RTN4RL1: variants seen among roughly 807,000 people sequenced by gnomAD.
RTN4RL1 encodes the protein reticulon-4 receptor-like 1.
In RTN4RL1, 7 loss-of-function variants were observed where a neutral mutation model predicts 25.6. That is an observed-to-expected ratio of 0.27 (90% CI 0.16 to 0.51). The LOEUF (loss-of-function observed/expected upper bound fraction) is 0.51, where lower values mean the gene tolerates loss of function less well. Ranked by LOEUF, RTN4RL1 falls within the 20% of genes least tolerant of loss-of-function variation. The pLI is 0.97. For synonymous variants in RTN4RL1, 297 were observed against 288.2 expected, an observed-to-expected ratio of 1.03 and a Z score of -0.31; for missense variants, 500 against 615.6, an observed-to-expected ratio of 0.81 and a Z score of 1.99.
Position 2,024,881 on chromosome 17 carries a change from G to A in RTN4RL1, c.-16C>T, listed in dbSNP as rs530418310. 220 of 1,582,944 alleles carry A rather than the reference G, an allele frequency of 1.4e-4. 4 individuals are homozygous for A. In the South Asian group the frequency reaches 2.3e-3, roughly 16 times the overall value. ...TGCGAAGCATGTTGGCCACGGGGCC[G>A]CCGCTCCGAGGTCGGCCTAGGCGCA... On this transcript the variant is annotated 5_prime_UTR_variant, in exon 1 of 2. Coordinates refer to ENST00000331238, the MANE Select transcript of RTN4RL1 (RefSeq NM_178568.4).
chr17:2,008,109 A>G (rs1035748265), intron 1 of RTN4RL1, among the ~76,000 whole-genome samples: 6 of 151,992 alleles, frequency 3.9e-5, no homozygotes, highest in African/African-American at 1.4e-4. Context: ...GTCTCTACTA[A>G]AAATACAAAA....
At chr17:1,953,756 G>A (rs1468846190) in intron 1 of RTN4RL1, among the ~76,000 whole-genome samples, 1 of 152,106 alleles carries the variant, frequency 6.6e-6, no homozygotes, top group East Asian at 1.9e-4. Context: ...GTAGAGGCGG[G>A]GTTTCACCAT....
chr17:2,001,252 G>T lies in RTN4RL1; in HGVS notation c.13+23601C>A, dbSNP rs114823621. On this transcript the variant is annotated intron_variant, in intron 1 of 1. Coordinates refer to ENST00000331238, the MANE Select transcript of RTN4RL1 (RefSeq NM_178568.4). ...TATGTTTAGCTTATTTGATCCTCTG[G>T]GTTTTTTTTTGAGATGGAGTCTCAC... Among the ~76,000 whole-genome samples, 366 of 149,422 alleles carry T rather than the reference G, an allele frequency of 2.4e-3. 4 individuals carry two copies. The highest frequency in any genetic ancestry group is 8.3e-3 in the African/African-American group (336 of 40,568).
chr17:2,024,815 G>C, intron 1 of RTN4RL1, 38 bp downstream of exon 1: 1 of 1,555,328 alleles, frequency 6.4e-7, no homozygotes, highest in Non-Finnish European at 8.7e-7. Flanking sequence ...TTTCCGGAGC[G>C]CATTCAACTT....
At chr17:1,976,743 G>A in intron 1 of RTN4RL1, among the ~76,000 whole-genome samples, 1 of 152,338 alleles carries the variant, frequency 6.6e-6, no homozygotes, top group Non-Finnish European at 1.5e-5. Flanking sequence ...GGGGCAGGGA[G>A]CCAGGGGTGA....
intron 1 of RTN4RL1, among the ~76,000 whole-genome samples, chr17:1,989,759 A>T (rs1023661408): frequency 2.6e-5 from 4 of 151,880 alleles, no homozygotes; most frequent in Non-Finnish European, 5.9e-5. Context: ...TTTTTAGTAG[A>T]GAGGGGGTTT....
chr17:1,997,186 C>T (rs190769868), intron 1 of RTN4RL1, among the ~76,000 whole-genome samples: 10 of 152,378 alleles, frequency 6.6e-5, no homozygotes, highest in East Asian at 1.9e-4. Flanking sequence ...CCGTGGCCCA[C>T]GAGACCTTCA....
At chr17:2,023,671 A>ACCCCCCCCCCCCCCCCCCC (rs2067239104) in intron 1 of RTN4RL1, 3 of 58,558 alleles carry the variant, frequency 5.1e-5, no homozygotes, top group Non-Finnish European at 7.4e-5. Context: ...GCTTCCCCCC[A>ACCCCCCCCCCCCCCCCCCC]CCTCCCCAAC....
In RTN4RL1 at chr17:2,001,886, C is replaced by T. The variant is rs111656864; in HGVS notation, c.13+22967G>A. Among the ~76,000 whole-genome samples, 374 of 147,566 alleles carry T rather than the reference C, an allele frequency of 2.5e-3. 4 individuals carry two copies. The highest frequency in any genetic ancestry group is 8.8e-3 in the African/African-American group (356 of 40,672). On this transcript the variant is annotated intron_variant, in intron 1 of 1. Coordinates refer to ENST00000331238, the MANE Select transcript of RTN4RL1 (RefSeq NM_178568.4). Reference sequence around the variant, plus strand: ...CTTGGGGTTTGCAGCATCAGCTCCCCCCGTCCCCGGCTCCCCTGAGGGGCC... The same window carrying T: ...CTTGGGGTTTGCAGCATCAGCTCCCTCCGTCCCCGGCTCCCCTGAGGGGCC...
intron 1 of RTN4RL1, among the ~76,000 whole-genome samples, chr17:1,957,874 G>A (rs143074817): frequency 4.9e-4 from 72 of 148,384 alleles, no homozygotes; most frequent in Admixed American, 9.4e-4. Flanking sequence ...ACAAACAAAC[G>A]AACAAACAAA....
At chr17:1,957,360 C>T (rs1294404166) in intron 1 of RTN4RL1, among the ~76,000 whole-genome samples, 2 of 152,142 alleles carry the variant, frequency 1.3e-5, no homozygotes, top group South Asian at 2.1e-4. Flanking sequence ...AGACCAGGCC[C>T]GTGAGCCTCA....
chr17:2,005,166 T>C (rs2066984713), intron 1 of RTN4RL1, among the ~76,000 whole-genome samples: 1 of 151,888 alleles, frequency 6.6e-6, no homozygotes, highest in Admixed American at 6.6e-5. Context: ...CCACCACATT[T>C]GGCTAATGTT....
chr17:1,956,902 C>T (rs956186646), intron 1 of RTN4RL1, among the ~76,000 whole-genome samples: 3 of 152,094 alleles, frequency 2.0e-5, no homozygotes, highest in Non-Finnish European at 4.4e-5. Flanking sequence ...CACCACCACG[C>T]CCGGCTTTTG....
In RTN4RL1 at chr17:1,992,256, T is replaced by TG. The variant is rs899841886; in HGVS notation, c.13+32596dup. ...GCGGGCGCCTGCAGTCCCAGCTACT[T>TG]GGGGGGGCAGGAGAATGGCGTGAAC... On this transcript the variant is annotated intron_variant, in intron 1 of 1. Coordinates refer to ENST00000331238, the MANE Select transcript of RTN4RL1 (RefSeq NM_178568.4). 1.1e-4 allele frequency among the ~76,000 whole-genome samples: 15 copies of TG among 141,630 alleles called. No homozygotes were observed. In the East Asian group the frequency reaches 2.1e-3, roughly 20 times the overall value. 92.9% of individuals were successfully genotyped at this position (141,630 alleles called of 152,430 possible).
rs531431945 is a variant in RTN4RL1, at chr17:1,982,383, C to T, written c.13+42470G>A. Among the ~76,000 whole-genome samples, 4 of 152,194 alleles carry T rather than the reference C, an allele frequency of 2.6e-5. No homozygotes were observed. The East Asian group carries it at 5.8e-4, about 22-fold the overall frequency. On this transcript the variant is annotated intron_variant, in intron 1 of 1. Transcript: ENST00000331238. ...ATCCCAGCACTTTGGGAGACCGAGG[C>T]GGGCGGACCACGAGGTCAGGAGTTC...
At chr17:2,013,413 A>C (rs2067075159) in intron 1 of RTN4RL1, among the ~76,000 whole-genome samples, 1 of 152,172 alleles carries the variant, frequency 6.6e-6, no homozygotes, top group Non-Finnish European at 1.5e-5. Flanking sequence ...AGCTGCAAAG[A>C]CTTGCATTTC....
rs564275081 is a variant in RTN4RL1 at position 1,950,881 on chromosome 17, T to C, written c.14-13073A>G. ...AAAAAAAAAAAAAAAAAAAGGCTAC[T>C]TGGCAACATACTGAGACTCTCTCTC... On this transcript the variant is annotated intron_variant, in intron 1 of 1. Coordinates refer to ENST00000331238, the MANE Select transcript of RTN4RL1 (RefSeq NM_178568.4). Among the ~76,000 whole-genome samples, 3 of 140,044 alleles carry C rather than the reference T, an allele frequency of 2.1e-5. No homozygotes were observed. The Admixed American group carries it at 2.2e-4, about 10-fold the overall frequency. The allele number at this position is 140,044 out of a possible 152,430, so 91.9% of individuals were successfully genotyped here.
chr17:1,972,384 A>C (rs909484850), intron 1 of RTN4RL1, among the ~76,000 whole-genome samples: 18 of 151,836 alleles, frequency 1.2e-4, no homozygotes, highest in African/African-American at 4.4e-4. Flanking sequence ...CTAGAGTCCT[A>C]CTTCCTGTTC....
intron 1 of RTN4RL1, among the ~76,000 whole-genome samples, chr17:2,024,610 C>G (rs1330513497): frequency 1.3e-5 from 2 of 152,196 alleles, no homozygotes; most frequent in African/African-American, 4.8e-5. Flanking sequence ...TCCGACTGAC[C>G]CCTCCGGGCC....
Sources: allele counts gnomAD v4.1 joint callset (sites outside exome capture counted in the v4.1 genomes callset), GRCh38; gene constraint gnomAD v4.1.1; transcripts MANE v1.5; gene names NCBI Gene and HGNC (gene_info 2026-07-23, HGNC 2026-07-21).